Variants in AGMO observed in about 807,000 individuals in gnomAD.
AGMO encodes the protein glyceryl-ether monooxygenase.
A neutral mutation model predicts 60.2 loss-of-function variants in AGMO; 75 were observed. The ratio of observed to expected loss-of-function variants is 1.25; its 90% CI spans 1.03 to 1.51. The LOEUF (loss-of-function observed/expected upper bound fraction) is 1.51, where lower values mean the gene tolerates loss of function less well. AGMO is among the 40% of genes most tolerant of loss of function. AGMO has a pLI of 0.00. For synonymous variants in AGMO, 261 were observed against 177.1 expected, an observed-to-expected ratio of 1.47 and a Z score of -3.76; for missense variants, 763 against 525.5, an observed-to-expected ratio of 1.45 and a Z score of -4.42.
chr7:15,245,524 C>A (rs975497937), intron 12 of AGMO, among the ~76,000 whole-genome samples: 6 of 152,230 alleles, frequency 3.9e-5, no homozygotes, highest in Non-Finnish European at 8.8e-5. Context: ...GCAAGGCAAT[C>A]TGCAACCCAA....
At position 15,284,761 on chromosome 7, in the gene AGMO, T is replaced by TAAC. The variant is rs975151579; in HGVS notation, c.1263+80750_1263+80752dup. On this transcript the variant is annotated intron_variant, in intron 12 of 12. Coordinates refer to ENST00000342526, the MANE Select transcript of AGMO (RefSeq NM_001004320.2). ...CTGATACCAACACTAGGAAAGTATA[T>TAAC]AACAACAACAACAAAAAAGAAAACC... 4.6e-5 allele frequency among the ~76,000 whole-genome samples: 7 copies of TAAC among 151,402 alleles called. No individual in the cohort carries two copies. The South Asian group carries it at 1.3e-3, about 27-fold the overall frequency.
chr7:15,502,229 C>CT (rs1221870526), intron 3 of AGMO, among the ~76,000 whole-genome samples: 1 of 152,008 alleles, frequency 6.6e-6, no homozygotes, highest in East Asian at 1.9e-4. Flanking sequence ...TTCTTTTGCA[C>CT]TGTTTCAGAC....
At chr7:15,135,979 C>CTTTTTTTTTTTTTTTTT in the AGMO span, among the ~76,000 whole-genome samples, 9 of 106,858 alleles carry the variant, frequency 8.4e-5, no homozygotes, top group East Asian at 2.9e-4. Flanking sequence ...TTTTTCTTTT[C>CTTTTTTTTTTTTTTTTT]TTTTTTTTTT....
intron 10 of AGMO, among the ~76,000 whole-genome samples, chr7:15,372,003 A>C (rs1452307416): frequency 6.6e-6 from 1 of 152,170 alleles, no homozygotes; most frequent in Non-Finnish European, 1.5e-5. Context: ...ATATCCCAAA[A>C]ATGAGTTTAA....
chr7:15,234,201 G>C (rs1370357294), intron 12 of AGMO, among the ~76,000 whole-genome samples: 2 of 152,116 alleles, frequency 1.3e-5, no homozygotes, highest in Non-Finnish European at 2.9e-5. Context: ...ATTTATGTTT[G>C]TCAGATAAAT....
In AGMO at chr7:15,548,455, A is replaced by G. The variant is rs571148199; in HGVS notation, c.258-3532T>C. ...AGAATGTATAACTAGAATAACCAATACAGAGAAGTGCTTAAAGGAGCTGAT... is the reference window on the plus strand; with the variant it reads ...AGAATGTATAACTAGAATAACCAATGCAGAGAAGTGCTTAAAGGAGCTGAT... On this transcript the variant is annotated intron_variant, in intron 2 of 12. Coordinates refer to ENST00000342526, the MANE Select transcript of AGMO (RefSeq NM_001004320.2). Among the ~76,000 whole-genome samples, 910 of 151,898 alleles carry G rather than the reference A, an allele frequency of 6.0e-3. 7 individuals carry two copies. Among genetic ancestry groups the G allele is most frequent in the African/African-American group, 0.021 (865 of 41,406 alleles).
intron 3 of AGMO, among the ~76,000 whole-genome samples, chr7:15,531,883 G>A (rs1436885429): frequency 6.6e-6 from 1 of 151,650 alleles, no homozygotes; most frequent in Non-Finnish European, 1.5e-5. Flanking sequence ...TGGCCAAGCT[G>A]GTCTCGAACT....
intron 12 of AGMO, among the ~76,000 whole-genome samples, chr7:15,267,781 A>G (rs1415853896): frequency 1.3e-5 from 2 of 151,998 alleles, no homozygotes; most frequent in Non-Finnish European, 2.9e-5. Context: ...TTGTAACAAA[A>G]TGGAAAGTTA....
the AGMO span, among the ~76,000 whole-genome samples, chr7:15,133,847 C>A: frequency 1.3e-5 from 2 of 152,168 alleles, no homozygotes; most frequent in Non-Finnish European, 2.9e-5. Context: ...ACTCACACAG[C>A]TCACCAACAC....
At chr7:15,323,713 T>C (rs902289550) in intron 12 of AGMO, among the ~76,000 whole-genome samples, 1 of 152,218 alleles carries the variant, frequency 6.6e-6, no homozygotes, top group Non-Finnish European at 1.5e-5. Flanking sequence ...TGGAAAAGAC[T>C]GCCTCCTGAC....
the AGMO span, among the ~76,000 whole-genome samples, chr7:15,136,762 T>C: frequency 2.0e-5 from 3 of 152,248 alleles, no homozygotes; most frequent in Admixed American, 1.3e-4. Context: ...TGTGTGTGTG[T>C]GTGCACGCGT....
At chr7:15,400,878 A>T (rs950142331) in intron 5 of AGMO, among the ~76,000 whole-genome samples, 1 of 152,130 alleles carries the variant, frequency 6.6e-6, no homozygotes, top group Non-Finnish European at 1.5e-5. Flanking sequence ...TTTCAAATGA[A>T]AGTAGCCAGA....
chr7:15,353,425 G>C (rs986762178), intron 12 of AGMO, among the ~76,000 whole-genome samples: 4 of 152,110 alleles, frequency 2.6e-5, no homozygotes, highest in Admixed American at 2.6e-4. Flanking sequence ...CTAGGCTTAT[G>C]ATGTTAAACT....
At chr7:15,342,939 A>T (rs189784927) in intron 12 of AGMO, among the ~76,000 whole-genome samples, 1 of 152,198 alleles carries the variant, frequency 6.6e-6, no homozygotes, top group Non-Finnish European at 1.5e-5. Context: ...GTGAGGAGTA[A>T]ATGAAAATGT....
chr7:15,143,247 C>G, the AGMO span, among the ~76,000 whole-genome samples: 8 of 152,158 alleles, frequency 5.3e-5, no homozygotes, highest in Non-Finnish European at 1.0e-4. Flanking sequence ...AGTTGACAGA[C>G]TTTTCTAAGT....
At chr7:15,229,594 T>C (rs1007692353) in intron 12 of AGMO, among the ~76,000 whole-genome samples, 4 of 149,236 alleles carry the variant, frequency 2.7e-5, no homozygotes, top group African/African-American at 9.7e-5. Flanking sequence ...TGAGAACTTT[T>C]TGCCAACTTC....
At chr7:15,319,247 G>C (rs1781032752) in intron 12 of AGMO, among the ~76,000 whole-genome samples, 1 of 152,164 alleles carries the variant, frequency 6.6e-6, no homozygotes, top group Non-Finnish European at 1.5e-5. Flanking sequence ...AGGGAAATTA[G>C]TGATGTTAGT....
At chr7:15,228,165 G>T (rs1279846867) in intron 12 of AGMO, among the ~76,000 whole-genome samples, 1 of 151,934 alleles carries the variant, frequency 6.6e-6, no homozygotes, top group Admixed American at 6.6e-5. Context: ...CTCTCCACAG[G>T]AAATTAAAGT....
the AGMO span, among the ~76,000 whole-genome samples, chr7:15,163,728 C>G: frequency 2.6e-5 from 4 of 151,398 alleles, no homozygotes. Flanking sequence ...TGCTAGTATT[C>G]TGTTAAAAAT....
Sources: gnomAD v4.1 joint callset for allele counts (sites outside exome capture counted in the v4.1 genomes callset) on GRCh38, gnomAD v4.1.1 for gene constraint, MANE v1.5 for transcripts, NCBI Gene and HGNC (gene_info 2026-07-23, HGNC 2026-07-21) for gene names.